Variants in ERC1 observed in about 807,000 individuals in gnomAD.
ERC1 encodes the protein ELKS/RAB6-interacting/CAST family member 1.
ERC1 carries 56 observed loss-of-function variants against 132.0 expected under a neutral mutation model. The observed-to-expected ratio is 0.42, with a 90% CI of 0.34 to 0.53. The LOEUF is 0.53. Among genes scored for constraint, ERC1 ranks in the 20% least tolerant of loss-of-function variants. ERC1 has a pLI of 0.03. For missense variants in ERC1, 1,202 were observed against 1,349.9 expected, an observed-to-expected ratio of 0.89 and a Z score of 1.72; for synonymous variants, 478 against 476.1, an observed-to-expected ratio of 1.00 and a Z score of -0.05.
chr12:1,489,774 CCT>C (rs2154434909), intron 18 of ERC1, among the ~76,000 whole-genome samples: 1 of 152,264 alleles, frequency 6.6e-6, no homozygotes, highest in East Asian at 1.9e-4. Flanking sequence ...TCACCATGCC[CCT>C]CTCTCCTGCT....
intron 1 of ERC1, among the ~76,000 whole-genome samples, chr12:1,025,919 C>T (rs1486941812): frequency 6.6e-6 from 1 of 151,546 alleles, no homozygotes; most frequent in Non-Finnish European, 1.5e-5. Context: ...GCCTCAGCCT[C>T]CTGAGTGGCT....
intron 18 of ERC1, among the ~76,000 whole-genome samples, chr12:1,487,792 GA>G (rs2094252951): frequency 7.5e-6 from 1 of 134,106 alleles, no homozygotes; most frequent in African/African-American, 2.7e-5. Context: ...AGGAAGAAAA[GA>G]AGGAAAGAAA....
At chr12:1,469,283 C>T (rs931044983) in intron 18 of ERC1, among the ~76,000 whole-genome samples, 21 of 152,228 alleles carry the variant, frequency 1.4e-4, no homozygotes, top group Non-Finnish European at 2.9e-4. Context: ...AGCTGTCATA[C>T]GGGCATTGGG....
intron 18 of ERC1, among the ~76,000 whole-genome samples, chr12:1,456,689 G>A (rs1462633600): frequency 6.6e-6 from 1 of 151,684 alleles, no homozygotes; most frequent in East Asian, 1.9e-4. Context: ...TGAGGCCAAG[G>A]GGGAGCACAC....
At chr12:1,225,448 T>TCACACACA (rs2074487823) in intron 12 of ERC1, among the ~76,000 whole-genome samples, 1 of 64,978 alleles carries the variant, frequency 1.5e-5, no homozygotes, top group African/African-American at 1.4e-4. Context: ...AGGCTGTCTC[T>TCACACACA]TACACACACA....
chr12:1,481,014 C>A (rs2094080120), intron 18 of ERC1: 7 of 648,114 alleles, frequency 1.1e-5, no homozygotes, highest in Non-Finnish European at 2.0e-5. Flanking sequence ...CTGTTTTCTT[C>A]TATACATATA....
chr12:1,400,038 A>C (rs567566529), intron 16 of ERC1, among the ~76,000 whole-genome samples: 20 of 148,792 alleles, frequency 1.3e-4, no homozygotes, highest in African/African-American at 5.2e-4. Flanking sequence ...CATTCTCACC[A>C]ACACTTGTTA....
chr12:1,200,721 G>T (rs1391797099), intron 12 of ERC1, among the ~76,000 whole-genome samples: 1 of 152,064 alleles, frequency 6.6e-6, no homozygotes, highest in Non-Finnish European at 1.5e-5. Context: ...ACCACAGCCG[G>T]CTAGTTTTTT....
At chr12:1,218,093 T>A (rs1418989894) in intron 12 of ERC1, among the ~76,000 whole-genome samples, 2 of 152,212 alleles carry the variant, frequency 1.3e-5, no homozygotes, top group Non-Finnish European at 2.9e-5. Flanking sequence ...AATCTGCAAA[T>A]CCTTCGCCTC....
intron 2 of ERC1, among the ~76,000 whole-genome samples, chr12:1,030,280 A>G (rs1188549650): frequency 6.6e-6 from 1 of 152,224 alleles, no homozygotes; most frequent in African/African-American, 2.4e-5. Context: ...AAAGCAACTG[A>G]TATCAATTTC....
chr12:1,001,771 T>G (rs1962338353), intron 1 of ERC1, among the ~76,000 whole-genome samples: 1 of 152,156 alleles, frequency 6.6e-6, no homozygotes, highest in Admixed American at 6.5e-5. Context: ...TACTACAGTT[T>G]ATTGTATTAT....
In ERC1 at chr12:1,028,070, T is replaced by G. The variant is rs1327715781; in HGVS notation, c.167T>G (p.Met56Arg). 5.6e-6 allele frequency: 9 copies of G among 1,614,114 alleles called. No individual in the cohort carries two copies. Among genetic ancestry groups the G allele is most frequent in the Non-Finnish European group, 6.8e-6 (8 of 1,180,022 alleles). Reference protein sequence around the residue: ...VGGGSGKTLSMENIQSLNAAY... With the variant: ...VGGGSGKTLSRENIQSLNAAY... The stretch of plus-strand genomic sequence containing the variant: ...GGTGGCAGTGGGAAAACCCTTTCAA[T>G]GGAAAATATACAATCTTTAAATGCT... The change falls in exon 2 of 19, where the codon ATG (methionine) becomes AGG (arginine). Residue 56 changes from methionine to arginine, a missense_variant. Met to Arg is a moderately conservative substitution (Grantham distance 91). Coordinates refer to ENST00000360905, the MANE Select transcript of ERC1 (RefSeq NM_178040.4).
chr12:1,471,166 C>T (rs887486970), intron 18 of ERC1, among the ~76,000 whole-genome samples: 12 of 152,176 alleles, frequency 7.9e-5, no homozygotes, highest in East Asian at 5.8e-4. Context: ...GGCACACACC[C>T]GTAGTCCCAG....
At chr12:1,183,615 TA>T (rs1221276694) in intron 11 of ERC1, among the ~76,000 whole-genome samples, 194 bp downstream of exon 11, 1 of 152,200 alleles carries the variant, frequency 6.6e-6, no homozygotes, top group Admixed American at 6.5e-5. Context: ...CCCAAATCTT[TA>T]AAAATTGACA....
intron 15 of ERC1, among the ~76,000 whole-genome samples, chr12:1,361,163 G>A (rs2086065807): frequency 7.0e-6 from 1 of 143,108 alleles, no homozygotes; most frequent in African/African-American, 2.6e-5. Context: ...ATAGACCCAC[G>A]AAACTGAGGA....
At chr12:1,321,571 C>G (rs1306281291) in intron 15 of ERC1, among the ~76,000 whole-genome samples, 1 of 152,198 alleles carries the variant, frequency 6.6e-6, no homozygotes, top group East Asian at 1.9e-4. Flanking sequence ...CTCGAGACCT[C>G]TAAAGCTTGT....
intron 8 of ERC1, among the ~76,000 whole-genome samples, chr12:1,178,284 G>C (rs1566156521): frequency 6.8e-6 from 1 of 146,670 alleles, no homozygotes; most frequent in Non-Finnish European, 1.5e-5. Context: ...GTTATTGGCA[G>C]GAGTTTTTGT....
chr12:1,484,209 G>A (rs1319337643), intron 18 of ERC1, among the ~76,000 whole-genome samples: 1 of 151,882 alleles, frequency 6.6e-6, no homozygotes, highest in Non-Finnish European at 1.5e-5. Context: ...GGAGGCTGAG[G>A]CAGGAGGATG....
chr12:1,287,659 G>A (rs964739310), intron 14 of ERC1, among the ~76,000 whole-genome samples: 2 of 152,152 alleles, frequency 1.3e-5, no homozygotes, highest in African/African-American at 4.8e-5. Flanking sequence ...TGAAACCCTG[G>A]CTCTTCCTGG....
Sources: gnomAD v4.1 joint callset for allele counts (sites outside exome capture counted in the v4.1 genomes callset) on GRCh38, gnomAD v4.1.1 for gene constraint, MANE v1.5 for transcripts, NCBI Gene and HGNC (gene_info 2026-07-23, HGNC 2026-07-21) for gene names.